The following AOPEP variants were observed in gnomAD, a reference collection of about 807,000 sequenced individuals.
AOPEP encodes the protein aminopeptidase O (putative).
AOPEP carries 77 observed loss-of-function variants against 98.1 expected under a neutral mutation model. The ratio of observed to expected loss-of-function variants is 0.78; its 90% CI spans 0.65 to 0.95. The LOEUF is 0.95. Ranked by LOEUF, AOPEP falls within the 40% of genes least tolerant of loss-of-function variation. AOPEP has a pLI of 0.00. For missense variants in AOPEP, 1,024 were observed against 1,024.7 expected (o/e 1.00, Z 0.01); for synonymous variants, 346 against 365.3 (o/e 0.95, Z 0.60).
At chr9:94,735,387 A>G (rs1279165969) in intron 1 of AOPEP, among the ~76,000 whole-genome samples, 1 of 151,990 alleles carries the variant, frequency 6.6e-6, no homozygotes, top group Non-Finnish European at 1.5e-5. Context: ...CGCCCGGCTA[A>G]TTTTTTGTAT....
intron 5 of AOPEP, among the ~76,000 whole-genome samples, chr9:94,841,655 G>T (rs922249171): frequency 8.5e-5 from 13 of 152,162 alleles, no homozygotes; most frequent in African/African-American, 3.1e-4. Flanking sequence ...TTACGTCAAA[G>T]GACACTTTTT....
At chr9:94,943,947 A>AAAAAAAAG in intron 7 of AOPEP, among the ~76,000 whole-genome samples, 1 of 150,164 alleles carries the variant, frequency 6.7e-6, no homozygotes, top group East Asian at 1.9e-4. Context: ...AAAAAAAAAA[A>AAAAAAAAG]CAGGTCAATC....
chr9:95,111,785 G>C, the AOPEP span: 1 of 956,666 alleles, frequency 1.0e-6, no homozygotes, highest in Non-Finnish European at 1.6e-6. Flanking sequence ...TTTAGATTCA[G>C]AAAGCCTGTC....
intron 14 of AOPEP, among the ~76,000 whole-genome samples, chr9:95,064,808 T>C (rs745654086): frequency 6.6e-6 from 1 of 152,182 alleles, no homozygotes. Context: ...GCCAAAAGCA[T>C]AGTTCTGTGA....
chr9:95,005,440 A>T, intron 12 of AOPEP, 102 bp from the exon 13 acceptor site: 1 of 1,201,418 alleles, frequency 8.3e-7, no homozygotes, highest in Non-Finnish European at 1.2e-6. Context: ...AGGTGCGGGG[A>T]AGACCAGGTC....
intron 9 of AOPEP, among the ~76,000 whole-genome samples, chr9:94,962,900 C>A (rs781097923): frequency 6.6e-6 from 1 of 152,036 alleles, no homozygotes; most frequent in African/African-American, 2.4e-5. Context: ...CCCGCCACCA[C>A]GCCTGGCTAA....
intron 14 of AOPEP, among the ~76,000 whole-genome samples, chr9:95,069,734 G>C (rs1339958998): frequency 1.3e-5 from 2 of 152,202 alleles, no homozygotes; most frequent in Non-Finnish European, 2.9e-5. Flanking sequence ...CATCACACTT[G>C]ACCCTCACCA....
chr9:95,071,552 G>A (rs915346107), intron 14 of AOPEP, among the ~76,000 whole-genome samples: 6 of 152,090 alleles, frequency 3.9e-5, no homozygotes, highest in Admixed American at 2.6e-4. Flanking sequence ...GCATGGTGAC[G>A]AGCATGCACC....
At chr9:95,104,817 A>G in the AOPEP span, among the ~76,000 whole-genome samples, 1 of 152,048 alleles carries the variant, frequency 6.6e-6, no homozygotes, top group Non-Finnish European at 1.5e-5. Context: ...CCTGAGCTGG[A>G]ATTGTCCTTG....
At chr9:94,804,760 G>A (rs1281015576) in intron 5 of AOPEP, among the ~76,000 whole-genome samples, 1 of 152,206 alleles carries the variant, frequency 6.6e-6, no homozygotes, top group Non-Finnish European at 1.5e-5. Flanking sequence ...TTCTAGTCAG[G>A]GGAGAAAATT....
chr9:94,808,550 A>T (rs1445746623), intron 5 of AOPEP, among the ~76,000 whole-genome samples: 1 of 152,206 alleles, frequency 6.6e-6, no homozygotes, highest in Non-Finnish European at 1.5e-5. Context: ...TAACCATGCT[A>T]TTTATAGAGG....
the AOPEP span, among the ~76,000 whole-genome samples, chr9:95,095,158 G>A: frequency 6.6e-6 from 1 of 152,210 alleles, no homozygotes; most frequent in South Asian, 2.1e-4. Context: ...TTACCATACT[G>A]TTTCCAGAGT....
chr9:94,757,341 C>T (rs1046908138), intron 1 of AOPEP, among the ~76,000 whole-genome samples: 3 of 152,206 alleles, frequency 2.0e-5, no homozygotes, highest in African/African-American at 7.2e-5. Context: ...AAAGAATCCA[C>T]TAAAGAGAAC....
the AOPEP span, among the ~76,000 whole-genome samples, chr9:95,147,301 T>C: frequency 6.6e-6 from 1 of 152,164 alleles, no homozygotes; most frequent in African/African-American, 2.4e-5. Flanking sequence ...GTGGATCACC[T>C]GAGGTCGGGA....
chr9:95,005,126 G>T, intron 11 of AOPEP, 32 bp from the exon 12 acceptor site: 6 of 1,101,366 alleles, frequency 5.4e-6, no homozygotes, highest in Non-Finnish European at 6.7e-6. Flanking sequence ...CCGCTCCCGC[G>T]GTAAACTTGA....
intron 5 of AOPEP, among the ~76,000 whole-genome samples, chr9:94,869,441 T>C (rs1162024290): frequency 2.0e-5 from 3 of 152,162 alleles, no homozygotes; most frequent in Non-Finnish European, 2.9e-5. Flanking sequence ...TGAGGCTGTA[T>C]TTAACCAAAA....
chr9:94,959,012 C>T (rs1339216111), intron 9 of AOPEP, among the ~76,000 whole-genome samples: 6 of 151,356 alleles, frequency 4.0e-5, no homozygotes, highest in African/African-American at 1.5e-4. Context: ...TGCATTAGCT[C>T]TTATATTTAG....
intron 5 of AOPEP, among the ~76,000 whole-genome samples, chr9:94,893,561 G>T (rs2136096405): frequency 6.6e-6 from 1 of 152,274 alleles, no homozygotes; most frequent in African/African-American, 2.4e-5. Flanking sequence ...GGCTCATTTT[G>T]CCATGCATCC....
chr9:94,941,951 T>C (rs2057055555), intron 7 of AOPEP, among the ~76,000 whole-genome samples: 1 of 152,226 alleles, frequency 6.6e-6, no homozygotes, highest in Non-Finnish European at 1.5e-5. Context: ...AAAATTCCAT[T>C]TACTACCACT....
Sources: allele counts gnomAD v4.1 joint callset (sites outside exome capture counted in the v4.1 genomes callset), GRCh38; gene constraint gnomAD v4.1.1; transcripts MANE v1.5; gene names NCBI Gene and HGNC (gene_info 2026-07-23, HGNC 2026-07-21).